RPRD1B: variants seen among roughly 807,000 people sequenced by gnomAD.
The protein encoded by RPRD1B is regulation of nuclear pre-mRNA domain-containing protein 1B.
In RPRD1B, 11 loss-of-function variants were observed where a neutral mutation model predicts 41.5. The ratio of observed to expected loss-of-function variants is 0.27; its 90% confidence interval spans 0.17 to 0.44. RPRD1B has a LOEUF of 0.44. RPRD1B is among the 20% of genes least tolerant of loss of function. The probability of loss-of-function intolerance (pLI) is 1.00; values close to 1 mark genes in which losing one functional copy is unlikely to be tolerated. For missense variants in RPRD1B, 248 were observed against 389.9 expected (o/e 0.64, Z 3.06); for synonymous variants, 158 against 155.6 (o/e 1.02, Z -0.12).
intron 2 of RPRD1B, among the ~76,000 whole-genome samples, chr20:38,045,168 G>A (rs562670845): frequency 2.6e-5 from 4 of 152,278 alleles, no homozygotes; most frequent in African/African-American, 9.6e-5. Flanking sequence ...AGTGTTCAAC[G>A]TAATATTAAG....
At chr20:38,084,244 G>A (rs1000299285) in intron 6 of RPRD1B, among the ~76,000 whole-genome samples, 6 of 151,984 alleles carry the variant, frequency 3.9e-5, no homozygotes, top group African/African-American at 1.5e-4. Flanking sequence ...AATTCAGTGT[G>A]GCAGGTCACC....
chr20:38,042,312 C>A (rs973442484), intron 2 of RPRD1B, among the ~76,000 whole-genome samples: 1 of 152,102 alleles, frequency 6.6e-6, no homozygotes, highest in Non-Finnish European at 1.5e-5. Context: ...TATAATCATA[C>A]CACTGCACTC....
intron 6 of RPRD1B, among the ~76,000 whole-genome samples, chr20:38,072,935 A>C (rs1460763094): frequency 6.6e-6 from 1 of 152,248 alleles, no homozygotes; most frequent in Non-Finnish European, 1.5e-5. Flanking sequence ...TAAAGTGATT[A>C]GCAGGATTAT....
intron 6 of RPRD1B, among the ~76,000 whole-genome samples, chr20:38,084,124 C>T (rs1270569006): frequency 6.6e-6 from 1 of 152,066 alleles, no homozygotes; most frequent in African/African-American, 2.4e-5. Flanking sequence ...GGCCTCCTGG[C>T]AGGATGAGGG....
intron 6 of RPRD1B, among the ~76,000 whole-genome samples, chr20:38,079,410 C>T (rs2074493538): frequency 6.6e-6 from 1 of 152,160 alleles, no homozygotes; most frequent in Admixed American, 6.5e-5. Flanking sequence ...TCACCCTCCT[C>T]CCATCCTCCA....
At chr20:38,050,126 T>C (rs1269412050) in intron 3 of RPRD1B, among the ~76,000 whole-genome samples, 3 of 152,242 alleles carry the variant, frequency 2.0e-5, no homozygotes, top group Non-Finnish European at 2.9e-5. Flanking sequence ...GCATCTGCTA[T>C]AGAACCTAGT....
chr20:38,056,065 T>G (rs1175108036), intron 3 of RPRD1B, among the ~76,000 whole-genome samples: 1 of 152,196 alleles, frequency 6.6e-6, no homozygotes, highest in African/African-American at 2.4e-5. Flanking sequence ...CTGTCTCCTT[T>G]TTTTGTAATA....
intron 5 of RPRD1B, among the ~76,000 whole-genome samples, chr20:38,061,455 G>C (rs1385010857): frequency 6.6e-6 from 1 of 152,156 alleles, no homozygotes; most frequent in Non-Finnish European, 1.5e-5. Context: ...CCGCCTCTCT[G>C]TGTATTAGAT....
chr20:38,085,384 CCTGAGTAAAGTGT>C, intron 6 of RPRD1B: 1 of 152,224 alleles, frequency 6.6e-6, no homozygotes, highest in East Asian at 1.9e-4. Context: ...AAAGTATAGT[CCTGAGTAAAGTGT>C]CTGAAACAAG....
intron 6 of RPRD1B, among the ~76,000 whole-genome samples, chr20:38,073,803 C>A (rs2074433775): frequency 6.6e-6 from 1 of 152,162 alleles, no homozygotes; most frequent in South Asian, 2.1e-4. Context: ...TATGTGAACA[C>A]TTCAGGGTCA....
intron 6 of RPRD1B, among the ~76,000 whole-genome samples, chr20:38,089,407 C>T (rs182085911): frequency 2.6e-5 from 4 of 152,124 alleles, no homozygotes; most frequent in Admixed American, 2.6e-4. Flanking sequence ...TTTTATAAAG[C>T]ATTTTGAAAC....
At chr20:38,051,164 C>A (rs557789875) in intron 3 of RPRD1B, among the ~76,000 whole-genome samples, 1 of 152,204 alleles carries the variant, frequency 6.6e-6, no homozygotes. Context: ...AAACCTGTCT[C>A]TCAAGGTGTT....
chr20:38,066,321 T>C lies in RPRD1B; in HGVS notation c.831+65T>C, dbSNP rs926833452. ...CCTTCCTGTAGCCCACATTAGGAGG[T>C]TTTTATTATGCTTTAATTAACAACA... On this transcript the variant is annotated intron_variant, in intron 6 of 6. Transcript: ENST00000373433. The C allele has an allele frequency of 2.1e-6, 3 of 1,435,322 alleles. No homozygotes were observed. The African/African-American group carries it at 4.3e-5, about 21-fold the overall frequency. 88.9% of individuals were successfully genotyped at this position (1,435,322 alleles called of 1,614,324 possible).
In RPRD1B at chr20:38,090,311, A is replaced by C. The variant is rs2074602237; in HGVS notation, c.*436A>C. 1 of 987,528 alleles carries C rather than the reference A, an allele frequency of 1.0e-6. No individual in the cohort carries two copies. 61.2% of individuals were successfully genotyped at this position (987,528 alleles called of 1,614,324 possible). A position where few individuals can be genotyped will look rare whatever the true frequency, so the allele number is the denominator to read the frequency against. On this transcript the variant is annotated 3_prime_UTR_variant, in exon 7 of 7. Coordinates refer to ENST00000373433, the MANE Select transcript of RPRD1B (RefSeq NM_021215.4). ...GTTCGGTGTGGGCTTCCACTAAGGC[A>C]CTTGTCCTGGAGACGTTGGCTTTCC...
intron 6 of RPRD1B, among the ~76,000 whole-genome samples, chr20:38,086,384 G>A (rs562179414): frequency 3.3e-5 from 5 of 152,350 alleles, no homozygotes; most frequent in African/African-American, 9.6e-5. Context: ...TGTTTTAACA[G>A]TTTTAAAGGC....
intron 1 of RPRD1B, among the ~76,000 whole-genome samples, chr20:38,036,637 A>G (rs2074006355): frequency 6.6e-6 from 1 of 152,344 alleles, no homozygotes; most frequent in Non-Finnish European, 1.5e-5. Context: ...TTCGTGGTTG[A>G]GTAAAGGATC....
Position 38,070,741 on chromosome 20 carries a change from T to TTTTTTTC in RPRD1B, c.831+4491_831+4492insCTTTTTT, listed in dbSNP as rs1173425043. ...CAGTTTTCCCTTCTTAACTGTGATT[T>TTTTTTTC]TTTTTTTTTTTTTTTTGAGACAGAC... On this transcript the variant is annotated intron_variant, in intron 6 of 6. Transcript: ENST00000373433. 6 of 890,390 alleles carry TTTTTTTC rather than the reference T, an allele frequency of 6.7e-6. No individual in the cohort carries two copies. The African/African-American group carries it at 1.1e-4, about 16-fold the overall frequency. The allele number at this position is 890,390 out of a possible 1,614,324, so 55.2% of individuals were successfully genotyped here.
intron 2 of RPRD1B, 31 bp from the exon 3 acceptor site, chr20:38,048,317 T>TCA (rs778622215): frequency 2.5e-6 from 4 of 1,593,004 alleles, no homozygotes; most frequent in Non-Finnish European, 3.4e-6. Flanking sequence ...AATCTTAAGC[T>TCA]TATATATATC....
chr20:38,049,737 T>C (rs2074163859), intron 3 of RPRD1B: 3 of 471,104 alleles, frequency 6.4e-6, no homozygotes, highest in Non-Finnish European at 1.3e-5. Flanking sequence ...TGTGGTTTAA[T>C]TCTAGTTGGC....
Sources: gnomAD v4.1 joint callset for allele counts (sites outside exome capture counted in the v4.1 genomes callset) on GRCh38, gnomAD v4.1.1 for gene constraint, MANE v1.5 for transcripts, NCBI Gene and HGNC (gene_info 2026-07-23, HGNC 2026-07-21) for gene names.